Variants in UCKL1 observed in about 807,000 individuals in gnomAD.
The protein encoded by UCKL1 is uridine-cytidine kinase-like 1.
UCKL1 carries 65 observed loss-of-function variants against 59.2 expected under a neutral mutation model. The ratio of observed to expected loss-of-function variants is 1.10; its 90% CI spans 0.90 to 1.35. UCKL1 has a LOEUF of 1.35. UCKL1 is among the 40% of genes most tolerant of loss of function. The probability of loss-of-function intolerance (pLI) is 0.00; values close to 1 mark genes in which losing one functional copy is unlikely to be tolerated. For synonymous variants in UCKL1, 410 were observed against 323.1 expected, an observed-to-expected ratio of 1.27 and a Z score of -2.88; for missense variants, 703 against 784.3, an observed-to-expected ratio of 0.90 and a Z score of 1.24.
intron 1 of UCKL1, among the ~76,000 whole-genome samples, chr20:63,947,614 C>T (rs571576160): frequency 7.2e-5 from 11 of 152,352 alleles, no homozygotes; most frequent in East Asian, 3.9e-4. Context: ...GTCAGAGTGC[C>T]GGATGGGGGA....
intron 1 of UCKL1, among the ~76,000 whole-genome samples, chr20:63,952,246 C>A (rs1336947397): frequency 6.6e-6 from 1 of 152,220 alleles, no homozygotes; most frequent in East Asian, 1.9e-4. Context: ...GCTGGGCTGT[C>A]TGAACAGCAG....
At chr20:63,949,837 C>T (rs115263755) in intron 1 of UCKL1, among the ~76,000 whole-genome samples, 155 of 152,386 alleles carry the variant, frequency 1.0e-3, no homozygotes, top group African/African-American at 3.7e-3. Context: ...TTCCGCCATG[C>T]ACCCTGGATT....
intron 8 of UCKL1, chr20:63,942,411 G>T: frequency 6.0e-6 from 7 of 1,170,506 alleles, no homozygotes; most frequent in Non-Finnish European, 7.5e-6. Flanking sequence ...CGGGAGCAGC[G>T]GGGCAAGGGG....
At chr20:63,948,381 G>A (rs2427573) in intron 1 of UCKL1, 12,580 of 151,766 alleles carry the variant, frequency 0.083, 1,377 homozygotes, top group African/African-American at 0.26. Flanking sequence ...GAAATGGAAC[G>A]CTCCACAGAT....
chr20:63,948,529 A>C, intron 1 of UCKL1: 1 of 89,622 alleles, frequency 1.1e-5, no homozygotes, highest in Non-Finnish European at 2.2e-5. Context: ...AAGGACGCTC[A>C]CCGCCATGCG....
chr20:63,951,173 A>C (rs915051240), intron 1 of UCKL1: 194 of 1,040,122 alleles, frequency 1.9e-4, no homozygotes, highest in Admixed American at 6.6e-4. Context: ...GGCCACAGGC[A>C]TAAGAGGATC....
Position 63,946,244 on chromosome 20 carries a change from C to T in UCKL1, c.328G>A (p.Gly110Arg). 2 of 1,602,172 alleles carry T rather than the reference C, an allele frequency of 1.2e-6. No individual in the cohort carries two copies. Among genetic ancestry groups the T allele is most frequent in the Non-Finnish European group, 1.7e-6 (2 of 1,175,172 alleles). Residue 110 changes from glycine to arginine, a missense_variant, in exon 3 of 15, where the codon GGG (glycine) becomes AGG (arginine). Gly to Arg is a moderately radical substitution (Grantham distance 125). Coordinates refer to ENST00000354216, the MANE Select transcript of UCKL1 (RefSeq NM_017859.4). Reference protein sequence around the residue: ...AIGLGGGSASGKTTVARMIIE... With the variant: ...AIGLGGGSASRKTTVARMIIE... ...ATCATTCTGGCCACAGTGGTCTTCCCAGAGGCACTGCCGCCTCCCAAGCCT... is the reference window on the plus strand; with the variant it reads ...ATCATTCTGGCCACAGTGGTCTTCCTAGAGGCACTGCCGCCTCCCAAGCCT...
At chr20:63,946,350 C>G in intron 2 of UCKL1, 83 bp from the exon 3 acceptor site, 1 of 1,532,920 alleles carries the variant, frequency 6.5e-7, no homozygotes, top group Non-Finnish European at 8.8e-7. Flanking sequence ...ATCCCGCTGC[C>G]GCTGCCTGCG....
At chr20:63,941,550 A>G (rs1163186114) in intron 8 of UCKL1, 3 of 326,466 alleles carry the variant, frequency 9.2e-6, no homozygotes, top group African/African-American at 6.6e-5. Flanking sequence ...ACACGTGCTG[A>G]TAGGTGTCAT....
intron 8 of UCKL1, among the ~76,000 whole-genome samples, chr20:63,942,065 G>A (rs1264037513): frequency 2.8e-3 from 2 of 706 alleles, no homozygotes. Context: ...GCAGGGAAAG[G>A]GGCGGGGCCG....
intron 8 of UCKL1, among the ~76,000 whole-genome samples, chr20:63,941,874 G>A (rs1362588752): frequency 6.8e-6 from 1 of 146,084 alleles, no homozygotes; most frequent in Admixed American, 6.8e-5. Context: ...GGGCAGGAAA[G>A]GGGGTGATGC....
chr20:63,954,618 G>A (rs1476900995), intron 1 of UCKL1: 1 of 152,276 alleles, frequency 6.6e-6, no homozygotes, highest in Non-Finnish European at 1.5e-5. Flanking sequence ...TGGGGCAGAG[G>A]AAGTCCTCGA....
intron 5 of UCKL1, among the ~76,000 whole-genome samples, chr20:63,945,063 G>A (rs2055784901): frequency 6.6e-6 from 1 of 152,218 alleles, no homozygotes; most frequent in African/African-American, 2.4e-5. Flanking sequence ...AATGGGGCTG[G>A]GCACATGTGA....
chr20:63,941,232 A>G, intron 8 of UCKL1, 24 bp from the exon 9 acceptor site: 1 of 1,479,762 alleles, frequency 6.8e-7, no homozygotes, highest in Non-Finnish European at 9.0e-7. Context: ...GATGGGGAAC[A>G]CTCAAGAAGG....
intron 1 of UCKL1, among the ~76,000 whole-genome samples, chr20:63,949,341 A>G (rs1158136248): frequency 6.6e-6 from 1 of 152,174 alleles, no homozygotes; most frequent in Non-Finnish European, 1.5e-5. Flanking sequence ...AGCAGGTGCC[A>G]CGGCACTTCC....
At chr20:63,942,008 G>C (rs1327991394) in intron 8 of UCKL1, among the ~76,000 whole-genome samples, 3 of 132,056 alleles carry the variant, frequency 2.3e-5, no homozygotes, top group Admixed American at 7.7e-5. Flanking sequence ...GGAAAGGGGC[G>C]GGGCCGGGAA....
At position 63,945,790 on chromosome 20, in the gene UCKL1, A is replaced by C; in HGVS notation, c.582+15T>G. The C allele has an allele frequency of 6.2e-7, 1 of 1,613,254 alleles. No homozygotes were observed. On this transcript the variant is annotated intron_variant, in intron 4 of 14. Transcript: ENST00000354216. ...TGCAGCCCCCCGAGGCCCCCTCTGCAGGGCCCTGGCCTACCCAGTCCTTCT... is the reference window on the plus strand; with the variant it reads ...TGCAGCCCCCCGAGGCCCCCTCTGCCGGGCCCTGGCCTACCCAGTCCTTCT...
chr20:63,956,402 C>G lies in UCKL1; in HGVS notation c.-30G>C. The G allele has an allele frequency of 7.2e-7, 1 of 1,379,416 alleles. No individual in the cohort carries two copies. Among genetic ancestry groups the G allele is most frequent in the Non-Finnish European group, 9.4e-7 (1 of 1,067,124 alleles). The allele number at this position is 1,379,416 out of a possible 1,614,324, so 85.4% of individuals were successfully genotyped here. On this transcript the variant is annotated 5_prime_UTR_variant, in exon 1 of 15. Coordinates refer to ENST00000354216, the MANE Select transcript of UCKL1 (RefSeq NM_017859.4). ...CTCGGAGGCCTCTTTGCGGGCCTGGCCGGGCGGCGCGCATGGGCCGCCGGG... is the reference window on the plus strand; with the variant it reads ...CTCGGAGGCCTCTTTGCGGGCCTGGGCGGGCGGCGCGCATGGGCCGCCGGG...
intron 7 of UCKL1, 68 bp downstream of exon 7, chr20:63,944,329 G>A (rs1178534406): frequency 7.0e-7 from 1 of 1,427,840 alleles, no homozygotes; most frequent in Non-Finnish European, 9.5e-7. Context: ...GCCACTGGGG[G>A]TGGTGGCAGC....
Sources: allele counts gnomAD v4.1 joint callset (sites outside exome capture counted in the v4.1 genomes callset), GRCh38; gene constraint gnomAD v4.1.1; transcripts MANE v1.5; gene names NCBI Gene and HGNC (gene_info 2026-07-23, HGNC 2026-07-21).